The following TRAK1 variants were observed in gnomAD, a reference collection of about 807,000 sequenced individuals.
TRAK1 encodes the protein trafficking kinesin protein 1, also known as trafficking kinesin-binding protein 1.
In TRAK1, 33 loss-of-function variants were observed where a neutral mutation model predicts 92.1. That is an observed-to-expected ratio of 0.36 (90% CI 0.27 to 0.48). The LOEUF (loss-of-function observed/expected upper bound fraction) is 0.48. Among genes scored for constraint, TRAK1 ranks in the 20% least tolerant of loss-of-function variants. TRAK1 has a pLI of 0.99. For synonymous variants in TRAK1, 521 were observed against 517.3 expected, an observed-to-expected ratio of 1.01 and a Z score of -0.10; for missense variants, 1,123 against 1,257.9, an observed-to-expected ratio of 0.89 and a Z score of 1.62.
At chr3:42,136,634 AAAATAAATAAAAAAT>A (rs981579434) in intron 2 of TRAK1, among the ~76,000 whole-genome samples, 34 of 149,046 alleles carry the variant, frequency 2.3e-4, no homozygotes, top group Admixed American at 6.6e-4. Flanking sequence ...ATACAAAAGA[AAAATAAATAAAAAAT>A]AAATAAATAA....
At chr3:42,217,083 T>TTC (rs1178020508) in intron 14 of TRAK1, among the ~76,000 whole-genome samples, 40 of 151,100 alleles carry the variant, frequency 2.6e-4, no homozygotes, top group African/African-American at 5.4e-4. Context: ...TGTTTTATGT[T>TTC]TCTCTCTCTC....
chr3:42,160,152 C>A (rs953704998), intron 2 of TRAK1: 1 of 1,311,412 alleles, frequency 7.6e-7, no homozygotes, highest in Non-Finnish European at 9.7e-7. Flanking sequence ...GGAGCCACCC[C>A]CTTCCGGGTC....
chr3:42,150,374 C>T (rs1349184885), intron 2 of TRAK1, among the ~76,000 whole-genome samples: 1 of 152,076 alleles, frequency 6.6e-6, no homozygotes, highest in African/African-American at 2.4e-5. Context: ...TCTCAGGTTC[C>T]TGGGGTGTTG....
intron 1 of TRAK1, among the ~76,000 whole-genome samples, chr3:42,031,805 C>T (rs900171406): frequency 1.3e-5 from 2 of 152,048 alleles, no homozygotes; most frequent in Admixed American, 6.6e-5. Flanking sequence ...AGTTTCCTCA[C>T]GGCATGGATA....
intron 2 of TRAK1, among the ~76,000 whole-genome samples, chr3:42,145,397 A>C (rs571171840): frequency 1.3e-5 from 2 of 152,154 alleles, no homozygotes; most frequent in African/African-American, 2.4e-5. Flanking sequence ...GAGGCATGAG[A>C]ATCCCTTGAA....
At chr3:42,213,203 A>G (rs561459591) in intron 14 of TRAK1, among the ~76,000 whole-genome samples, 2 of 152,030 alleles carry the variant, frequency 1.3e-5, no homozygotes, top group African/African-American at 4.8e-5. Context: ...GACTATAGGC[A>G]CACGTCACCA....
At chr3:42,077,986 GT>G (rs1361275980) in intron 1 of TRAK1, among the ~76,000 whole-genome samples, 1 of 152,224 alleles carries the variant, frequency 6.6e-6, no homozygotes, top group Non-Finnish European at 1.5e-5. Context: ...TTCTTCCGCA[GT>G]TTGACAAGTG....
Position 42,219,554 on chromosome 3 carries a change from G to T in TRAK1, c.2024G>T (p.Arg675Leu), listed in dbSNP as rs1421824468. The T allele has an allele frequency of 6.9e-6, 11 of 1,596,950 alleles. No homozygotes were observed. Among genetic ancestry groups the T allele is most frequent in the Non-Finnish European group, 9.4e-6 (11 of 1,170,716 alleles). ...TNSTFTFTTC[R>L]ILHPSDELTR... Reference sequence around the variant, plus strand: ...TCCACCTTCACCTTCACCACCTGTCGCATCCTGCATCCTTCAGATGAGCTC... The same window carrying T: ...TCCACCTTCACCTTCACCACCTGTCTCATCCTGCATCCTTCAGATGAGCTC... The change falls in exon 15 of 16, where the codon CGC (arginine) becomes CTC (leucine). Residue 675 changes from arginine to leucine, a missense_variant. Physicochemically the swap from Arg to Leu is moderately radical, Grantham distance 102. This residue lies in a region of TRAK1 where 401 missense variants were observed against 438.9 expected (regional missense o/e 0.91). Transcript: ENST00000327628.
chr3:42,060,625 CTTT>C (rs1299725245), intron 1 of TRAK1, among the ~76,000 whole-genome samples: 13 of 123,270 alleles, frequency 1.1e-4, no homozygotes, highest in Non-Finnish European at 1.3e-4. Context: ...TTTTTGGCTG[CTTT>C]TTTTTTTTTT....
At chr3:42,023,268 G>A (rs182603275) in intron 1 of TRAK1, among the ~76,000 whole-genome samples, 42 of 151,954 alleles carry the variant, frequency 2.8e-4, no homozygotes, top group Non-Finnish European at 4.7e-4. Flanking sequence ...TTTGGCAAAA[G>A]GCAGCATGGC....
chr3:42,208,401 T>C (rs1266921906), intron 13 of TRAK1, among the ~76,000 whole-genome samples: 5 of 152,176 alleles, frequency 3.3e-5, no homozygotes, highest in Admixed American at 6.5e-5. Context: ...GAGAAGTTAT[T>C]TCCAAGGGGT....
chr3:42,165,899 C>T (rs1380661312), intron 2 of TRAK1, among the ~76,000 whole-genome samples: 3 of 152,056 alleles, frequency 2.0e-5, no homozygotes, highest in African/African-American at 7.2e-5. Context: ...ACCAGCATCA[C>T]CCCAAGGCTG....
chr3:42,094,958 A>T (rs536599423), intron 1 of TRAK1, among the ~76,000 whole-genome samples: 1 of 152,184 alleles, frequency 6.6e-6, no homozygotes, highest in Non-Finnish European at 1.5e-5. Context: ...TGTTTGCTCT[A>T]TTCAGACCCC....
At chr3:42,166,299 G>A (rs73828573) in intron 2 of TRAK1, among the ~76,000 whole-genome samples, 1,538 of 152,270 alleles carry the variant, frequency 0.01, 27 homozygotes, top group African/African-American at 0.036. Context: ...CGTTAAAGGA[G>A]GTGACATACA....
At chr3:42,110,094 G>GTATGTATATATATATATATATATA in intron 1 of TRAK1, among the ~76,000 whole-genome samples, 1 of 83,232 alleles carries the variant, frequency 1.2e-5, no homozygotes, top group African/African-American at 5.6e-5. Context: ...AGAACTTAAA[G>GTATGTATATATATATATATATATA]TATATATATA....
At chr3:42,121,849 G>A (rs925571799) in intron 1 of TRAK1, among the ~76,000 whole-genome samples, 2 of 151,756 alleles carry the variant, frequency 1.3e-5, no homozygotes, top group Non-Finnish European at 1.5e-5. Context: ...ACAGAGTCTC[G>A]CTCTGTCGCC....
At chr3:42,130,023 C>A (rs577157026) in intron 2 of TRAK1, among the ~76,000 whole-genome samples, 2 of 151,952 alleles carry the variant, frequency 1.3e-5, no homozygotes, top group South Asian at 4.1e-4. Flanking sequence ...CATTTTTTTT[C>A]ATGGCTCAGG....
chr3:42,190,692 C>T (rs1705586528), intron 6 of TRAK1, among the ~76,000 whole-genome samples: 1 of 152,196 alleles, frequency 6.6e-6, no homozygotes, highest in Admixed American at 6.5e-5. Context: ...GGGGCCAGGA[C>T]TGAGGGCTCA....
At chr3:42,104,173 G>A (rs1426055465) in intron 1 of TRAK1, among the ~76,000 whole-genome samples, 1 of 152,160 alleles carries the variant, frequency 6.6e-6, no homozygotes. Flanking sequence ...CAGCCGGGAA[G>A]CTCGAACTGG....
Sources: gnomAD v4.1 joint callset for allele counts (sites outside exome capture counted in the v4.1 genomes callset) on GRCh38, gnomAD v4.1.1 for gene constraint, gnomAD v4.1.1 regional missense constraint, MANE v1.5 for transcripts, NCBI Gene and HGNC (gene_info 2026-07-23, HGNC 2026-07-21) for gene names.